The following DNHD1 variants were observed in gnomAD, a reference collection of about 807,000 sequenced individuals.
DNHD1 encodes dynein heavy chain domain-containing protein 1.
A neutral mutation model predicts 458.1 loss-of-function variants in DNHD1; 383 were observed. The observed-to-expected ratio is 0.84, with a 90% CI of 0.77 to 0.91. The LOEUF (loss-of-function observed/expected upper bound fraction) is 0.91. DNHD1 is among the 40% of genes least tolerant of loss of function. The pLI, the probability that DNHD1 is intolerant of heterozygous loss-of-function variation, is 0.00. For synonymous variants in DNHD1, 2,203 were observed against 2,376.9 expected, an observed-to-expected ratio of 0.93 and a Z score of 2.13; for missense variants, 5,336 against 5,866.1, an observed-to-expected ratio of 0.91 and a Z score of 2.95.
In DNHD1 at chr11:6,570,825, G is replaced by A. The variant is rs773952399; in HGVS notation, c.13313G>A (p.Arg4438Gln). The stretch of plus-strand genomic sequence containing the variant: ...AGAGGCGCCCAGCTTGCGGAAAGGC[G>A]ACTGCGGCAACGCCTAGTGCAAGTC... ...SRRGAQLAERRLRQRLVQVNR... is the reference protein window; with the variant it reads ...SRRGAQLAERQLRQRLVQVNR... The change falls in exon 42 of 43, where the codon CGA becomes CAA. Residue 4438 changes from arginine (R) to glutamine (Q), a missense_variant. By Grantham distance (43) the Arg-to-Gln change is conservative (BLOSUM62 1). Around this residue, in one of 4 missense-constraint regions of DNHD1, gnomAD observed 698 missense variants for 664.9 expected, o/e 1.05. Coordinates refer to ENST00000254579, the MANE Select transcript of DNHD1 (RefSeq NM_144666.3). The A allele has an allele frequency of 6.2e-7, 1 of 1,614,002 alleles. No homozygotes were observed. Among genetic ancestry groups the A allele is most frequent in the Non-Finnish European group, 8.5e-7 (1 of 1,179,888 alleles).
intron 24 of DNHD1, among the ~76,000 whole-genome samples, chr11:6,552,749 T>C (rs1028054519): frequency 6.6e-6 from 1 of 151,954 alleles, no homozygotes; most frequent in Non-Finnish European, 1.5e-5. Context: ...CGTGATCCAC[T>C]CACCTCCCAC....
intron 7 of DNHD1, among the ~76,000 whole-genome samples, chr11:6,512,273 T>G (rs1852355320): frequency 7.6e-6 from 1 of 131,200 alleles, no homozygotes; most frequent in Admixed American, 9.0e-5. Flanking sequence ...CAGGCTGGAG[T>G]GCAGTGGCGG....
intron 3 of DNHD1, among the ~76,000 whole-genome samples, chr11:6,501,479 T>A (rs1852134878): frequency 6.6e-6 from 1 of 152,032 alleles, no homozygotes; most frequent in Admixed American, 6.6e-5. Context: ...GGAATTAATC[T>A]TACAGAGAAG....
rs755852826 is a variant in DNHD1, at chr11:6,557,834, G to A, written c.8539G>A (p.Glu2847Lys). The change falls in exon 25 of 43, where the codon GAG (glutamate) becomes AAG (lysine). Residue 2847 changes from glutamate to lysine, a missense_variant. By Grantham distance (56) the Glu-to-Lys change is moderately conservative (BLOSUM62 1). This residue lies in a region of DNHD1 where 3,932 missense variants were observed against 4,365.6 expected (regional missense o/e 0.90). Transcript: ENST00000254579. ...GGAACGACAGTGGGAGAAGCTAGAG[G>A]AGCAGTTGGCCACCTCAGCTGCTCA... ...YLERQWEKLE[E>K]QLATSAAQLK... 4 of 1,551,200 alleles carry A rather than the reference G, an allele frequency of 2.6e-6. No individual in the cohort carries two copies. Among genetic ancestry groups the A allele is most frequent in the East Asian group, 2.4e-5 (1 of 40,918 alleles).
At position 6,571,388 on chromosome 11, in the gene DNHD1, C is replaced by T. The variant is rs758212713; in HGVS notation, c.13876C>T (p.Arg4626Cys). The change falls in exon 42 of 43, where the codon CGT becomes TGT. Residue 4626 changes from arginine (R) to cysteine (C), a missense_variant. This residue lies in a region of DNHD1 where 698 missense variants were observed against 664.9 expected (regional missense o/e 1.05). Coordinates refer to ENST00000254579, the MANE Select transcript of DNHD1 (RefSeq NM_144666.3). The surrounding 1 kb of genome is among the most constrained non-coding windows in gnomAD (Gnocchi z 5.0). ...GGTCTCCAGTCAGCTCCAGTATAAA[C>T]GTCTGGAGATGAACAGCAACCCTCT... is the stretch of plus-strand genomic sequence containing the variant. ...GSVSSQLQYK[R>C]LEMNSNPLHF... The T allele has an allele frequency of 4.3e-6, 7 of 1,609,380 alleles. No homozygotes were observed. Among genetic ancestry groups the T allele is most frequent in the East Asian group, 2.2e-5 (1 of 44,752 alleles).
In DNHD1 at chr11:6,544,981, G is replaced by A. The variant is rs370199687; in HGVS notation, c.4042G>A (p.Val1348Met). 138 of 1,551,604 alleles carry A rather than the reference G, an allele frequency of 8.9e-5. No individual in the cohort carries two copies. The highest frequency in any genetic ancestry group is 1.1e-4 in the Non-Finnish European group (125 of 1,147,004). The change falls in exon 21 of 43, where the codon GTG becomes ATG. Residue 1348 changes from valine to methionine, a missense_variant. Physicochemically the swap from Val to Met is conservative, Grantham distance 21 (BLOSUM62 1). This residue lies in a region of DNHD1 where 3,932 missense variants were observed against 4,365.6 expected (regional missense o/e 0.90). Coordinates refer to ENST00000254579, the MANE Select transcript of DNHD1 (RefSeq NM_144666.3). ...LEGIIMSLES[V>M]LYGVCAHFPR... ...GGGCATCATCATGAGTCTGGAGAGC[G>A]TGCTCTATGGGGTGTGTGCTCACTT...
chr11:6,545,856 G>C lies in DNHD1; in HGVS notation c.4917G>C (p.Trp1639Cys). The C allele has an allele frequency of 1.9e-6, 3 of 1,551,868 alleles. No individual in the cohort carries two copies. Among genetic ancestry groups the C allele is most frequent in the Non-Finnish European group, 2.6e-6 (3 of 1,147,024 alleles). Residue 1639 changes from tryptophan to cysteine, a missense_variant, in exon 21 of 43, where the codon TGG (tryptophan) becomes TGC (cysteine). Trp to Cys is a radical substitution (Grantham distance 215, BLOSUM62 -2). Coordinates refer to ENST00000254579, the MANE Select transcript of DNHD1 (RefSeq NM_144666.3). The surrounding 1 kb of genome is among the most constrained non-coding windows in gnomAD (Gnocchi z 4.9). ...SEPSLSPAAC[W>C]IDVLGRSFLY... ...CCTCTCTGTCACCAGCGGCATGCTG[G>C]ATAGATGTGCTAGGCAGGTCCTTCC...
At chr11:6,501,158 G>A (rs7126194) in intron 3 of DNHD1, among the ~76,000 whole-genome samples, 2,130 of 152,256 alleles carry the variant, frequency 0.014, 53 homozygotes, top group African/African-American at 0.048. Context: ...TTGTGGGGAG[G>A]AAGCTAGATT....
chr11:6,568,764 ACATG>A lies in DNHD1; in HGVS notation c.12764_12767del (p.Met4255AsnfsTer36). ...GTGGAGCTAGCCCAGCAAGTACTCT[ACATG>A]CAACCCCCCACCCAGGCACTACCTC... On this transcript the variant is annotated frameshift_variant, in exon 39 of 43. Transcript: ENST00000254579. LOFTEE classifies it high-confidence loss of function. 6.2e-7 allele frequency: 1 copy of A among 1,613,538 alleles called. No homozygotes were observed. The highest frequency in any genetic ancestry group is 8.5e-7 in the Non-Finnish European group (1 of 1,179,732).
chr11:6,569,330 A>T (rs1853786032), intron 39 of DNHD1, among the ~76,000 whole-genome samples: 1 of 152,120 alleles, frequency 6.6e-6, no homozygotes, highest in South Asian at 2.1e-4. Flanking sequence ...AAAAATACAA[A>T]AACTTAGCCA....
chr11:6,500,217 C>T (rs1198089629), intron 3 of DNHD1, among the ~76,000 whole-genome samples: 3 of 152,222 alleles, frequency 2.0e-5, no homozygotes, highest in African/African-American at 2.4e-5. Context: ...CTGCTCACCT[C>T]GGCCTCCCAA....
chr11:6,509,498 T>A lies in DNHD1; in HGVS notation c.1235+226T>A, dbSNP rs939267952. On this transcript the variant is annotated intron_variant, in intron 6 of 42. Coordinates refer to ENST00000254579, the MANE Select transcript of DNHD1 (RefSeq NM_144666.3). ...ACATACTGTTAAATAACCAGTTTTT[T>A]CTTTGAACATATATTCTGAACTAGA... Among the ~76,000 whole-genome samples, 5 of 152,210 alleles carry A rather than the reference T, an allele frequency of 3.3e-5. No individual in the cohort carries two copies. The South Asian group carries it at 1.0e-3, about 31-fold the overall frequency.
chr11:6,551,802 A>G (rs142978108), intron 24 of DNHD1, among the ~76,000 whole-genome samples: 1,563 of 152,254 alleles, frequency 0.01, 18 homozygotes, highest in African/African-American at 0.013. Context: ...TTAGCTGGGC[A>G]TGGTGGCATG....
rs1333551487 is a variant in DNHD1, at chr11:6,557,267, C to T, written c.7972C>T (p.Arg2658Trp). The change falls in exon 25 of 43, where the codon CGG becomes TGG. Residue 2658 changes from arginine (R) to tryptophan (W), a missense_variant. Arg to Trp is a moderately radical substitution (Grantham distance 101). Coordinates refer to ENST00000254579, the MANE Select transcript of DNHD1 (RefSeq NM_144666.3). ...LHEAQRTFCD[R>W]LDSPRERSYC... ...TGAGGCACAGAGAACCTTTTGCGAC[C>T]GGCTGGACAGCCCCAGGGAACGCTC... 1.2e-5 allele frequency: 18 copies of T among 1,551,534 alleles called. No individual in the cohort carries two copies. The highest frequency in any genetic ancestry group is 3.3e-4 in the Middle Eastern group (2 of 5,992).
At chr11:6,528,452 A>C in intron 10 of DNHD1, 70 bp from the exon 11 acceptor site, 1 of 1,458,004 alleles carries the variant, frequency 6.9e-7, no homozygotes, top group Non-Finnish European at 9.2e-7. Context: ...CACTGAGGGC[A>C]AGGAGAAAGG....
chr11:6,536,104 A>C (rs142718013), intron 14 of DNHD1, among the ~76,000 whole-genome samples: 105 of 152,244 alleles, frequency 6.9e-4, no homozygotes, highest in African/African-American at 2.3e-3. Context: ...ATTTTTAAAA[A>C]CCATAAAAAC....
At chr11:6,550,341 G>T (rs763485717) in intron 24 of DNHD1, among the ~76,000 whole-genome samples, 11 of 152,162 alleles carry the variant, frequency 7.2e-5, no homozygotes, top group Admixed American at 2.0e-4. Context: ...CAATGAATTT[G>T]CACAAAATTA....
chr11:6,564,248 C>T lies in DNHD1; in HGVS notation c.10285-85C>T, dbSNP rs78455476. ...ACTCCTTGCCGTACTTTCCTCCACA[C>T]CCCACCTTGCCCTCCCTCTGCCATA... is the stretch of plus-strand genomic sequence containing the variant. On this transcript the variant is annotated intron_variant, in intron 31 of 42. Transcript: ENST00000254579. The T allele has an allele frequency of 6.6e-4, 956 of 1,445,458 alleles. 15 individuals are homozygous for T. The East Asian group carries it at 0.021, about 32-fold the overall frequency. The allele number at this position is 1,445,458 out of a possible 1,614,324, so 89.5% of individuals were successfully genotyped here.
chr11:6,517,888 A>ATACTT (rs1269488280), intron 7 of DNHD1, among the ~76,000 whole-genome samples: 2 of 152,206 alleles, frequency 1.3e-5, no homozygotes, highest in African/African-American at 4.8e-5. Flanking sequence ...CTTTTGTAGA[A>ATACTT]TACTTTATCC....
Sources: allele counts gnomAD v4.1 joint callset (sites outside exome capture counted in the v4.1 genomes callset), GRCh38; gene constraint gnomAD v4.1.1; regional missense constraint gnomAD v4.1.1; non-coding constraint Gnocchi (gnomAD v3.1); transcripts MANE v1.5; gene names NCBI Gene and HGNC (gene_info 2026-07-23, HGNC 2026-07-21).